Variants in PPP6R1 observed in about 807,000 individuals in gnomAD.
PPP6R1 encodes protein phosphatase 6 regulatory subunit 1.
Under a neutral mutation model 104.6 loss-of-function variants are expected in PPP6R1, and 39 were observed. That is an observed-to-expected ratio of 0.37 (90% confidence interval 0.29 to 0.49). The LOEUF is 0.49. PPP6R1 is among the 20% of genes least tolerant of loss of function. The pLI is 0.98. For synonymous variants in PPP6R1, 549 were observed against 479.0 expected (o/e 1.15, Z -1.91); for missense variants, 1,181 against 1,155.8 (o/e 1.02, Z -0.32).
At chr19:55,231,744 G>A (rs2087349616) in intron 19 of PPP6R1, 58 bp downstream of exon 19, 1 of 1,498,878 alleles carries the variant, frequency 6.7e-7, no homozygotes, top group Non-Finnish European at 8.9e-7. Flanking sequence ...GGGACCCCAT[G>A]GCCACCTCCT....
rs1465856702 is a variant in PPP6R1 at position 55,238,222 on chromosome 19, T to C, written c.1751+1183A>G. 2.6e-5 allele frequency among the ~76,000 whole-genome samples: 4 copies of C among 151,992 alleles called. No individual in the cohort carries two copies. The East Asian group carries it at 7.8e-4, about 30-fold the overall frequency. ...GCCCAGTTTTCACTTGAGCATCTTC[T>C]CCAGGGGTCTCGGCACAGGCCACTG... is the stretch of plus-strand genomic sequence containing the variant. On this transcript the variant is annotated intron_variant, in intron 15 of 23. Coordinates refer to ENST00000412770, the MANE Select transcript of PPP6R1 (RefSeq NM_014931.4).
rs2087450828 is a variant in PPP6R1 at position 55,241,006 on chromosome 19, C to T, written c.1235G>A (p.Ser412Asn). Residue 412 changes from serine to asparagine, a missense_variant, in exon 10 of 24, where the codon AGC (serine) becomes AAC (asparagine). By Grantham distance (46) the Ser-to-Asn change is conservative. Coordinates refer to ENST00000412770, the MANE Select transcript of PPP6R1 (RefSeq NM_014931.4). This position sits in a 1 kb window ranked among gnomAD's most constrained non-coding sequence, Gnocchi z 5.4. ...GCTGCTGTCAGGAGGTGGCCCCAAG[C>T]TCAGCATGGTGCTCACGCATCCCTC... ...QVEGCVSTML[S>N]LGPPPDSSPE... 6.9e-6 allele frequency: 11 copies of T among 1,592,306 alleles called. No homozygotes were observed. The highest frequency in any genetic ancestry group is 9.4e-6 in the Non-Finnish European group (11 of 1,169,864).
At chr19:55,243,945 T>A (rs1438553064) in intron 5 of PPP6R1, among the ~76,000 whole-genome samples, 1 of 152,178 alleles carries the variant, frequency 6.6e-6, no homozygotes, top group Non-Finnish European at 1.5e-5. Context: ...ACTTGTTTTT[T>A]GGAGTGATAA....
chr19:55,241,424 C>T lies in PPP6R1; in HGVS notation c.1009-33G>A, dbSNP rs1333767471. ...CACAGGGAGGCCTGATTCCCAAGGGCTGCCCTTCCTGCTTCCCCCGCCTCC... is the reference window on the plus strand; with the variant it reads ...CACAGGGAGGCCTGATTCCCAAGGGTTGCCCTTCCTGCTTCCCCCGCCTCC... On this transcript the variant is annotated intron_variant, in intron 8 of 23. Coordinates refer to ENST00000412770, the MANE Select transcript of PPP6R1 (RefSeq NM_014931.4). This position sits in a 1 kb window ranked among gnomAD's most constrained non-coding sequence, Gnocchi z 5.4. The T allele has an allele frequency of 1.3e-6, 2 of 1,596,310 alleles. No individual in the cohort carries two copies. Among genetic ancestry groups the T allele is most frequent in the South Asian group, 2.2e-5 (2 of 89,786 alleles).
intron 5 of PPP6R1, among the ~76,000 whole-genome samples, chr19:55,242,964 C>A (rs1033066543): frequency 7.9e-5 from 12 of 152,146 alleles, no homozygotes; most frequent in Non-Finnish European, 1.8e-4. Context: ...GACAAATCCA[C>A]AGAGACAGAA....
chr19:55,254,027 C>T (rs1399363166), intron 1 of PPP6R1, among the ~76,000 whole-genome samples: 1 of 152,242 alleles, frequency 6.6e-6, no homozygotes, highest in Non-Finnish European at 1.5e-5. Flanking sequence ...GAGGCCACGT[C>T]CAGATGCTTT....
intron 17 of PPP6R1, among the ~76,000 whole-genome samples, chr19:55,234,968 GTCCTGC>G (rs2087383311): frequency 6.6e-6 from 1 of 152,174 alleles, no homozygotes; most frequent in African/African-American, 2.4e-5. Flanking sequence ...TACTGGGAAG[GTCCTGC>G]TCCTGGGTCT....
At chr19:55,251,972 C>G (rs1331781609) in intron 1 of PPP6R1, among the ~76,000 whole-genome samples, 1 of 151,968 alleles carries the variant, frequency 6.6e-6, no homozygotes, top group Non-Finnish European at 1.5e-5. Context: ...GGAGACCAAG[C>G]AGGCTGATAG....
chr19:55,234,940 T>C (rs1460299746), intron 17 of PPP6R1, among the ~76,000 whole-genome samples: 1 of 152,148 alleles, frequency 6.6e-6, no homozygotes, highest in Admixed American at 6.6e-5. Context: ...GGATACTGGC[T>C]AACAGAGGGG....
At chr19:55,250,339 G>T (rs2087543661) in intron 1 of PPP6R1, among the ~76,000 whole-genome samples, 1 of 152,226 alleles carries the variant, frequency 6.6e-6, no homozygotes, top group Admixed American at 6.5e-5. Flanking sequence ...AGTGAAGCTG[G>T]CACTCTCAGC....
At chr19:55,254,145 TC>T (rs750089518) in intron 1 of PPP6R1, among the ~76,000 whole-genome samples, 100 of 152,338 alleles carry the variant, frequency 6.6e-4, no homozygotes, top group Non-Finnish European at 1.1e-3. Flanking sequence ...CAAGTACTTT[TC>T]CTCAGACCAT....
At chr19:55,233,927 T>C (rs1391411997) in intron 17 of PPP6R1, among the ~76,000 whole-genome samples, 2 of 152,150 alleles carry the variant, frequency 1.3e-5, no homozygotes, top group Non-Finnish European at 2.9e-5. Flanking sequence ...AAGAACAAGG[T>C]TGGAAAACTA....
At chr19:55,247,570 C>T (rs1419330368) in intron 1 of PPP6R1, among the ~76,000 whole-genome samples, 1 of 152,222 alleles carries the variant, frequency 6.6e-6, no homozygotes, top group Non-Finnish European at 1.5e-5. Context: ...AGAGGCAGGG[C>T]CTTAACCTCT....
chr19:55,234,565 G>A (rs536611792), intron 17 of PPP6R1, among the ~76,000 whole-genome samples: 1 of 151,276 alleles, frequency 6.6e-6, no homozygotes, highest in Admixed American at 6.6e-5. Flanking sequence ...TAGAAGAAAA[G>A]AGAGGGCTAA....
At position 55,250,822 on chromosome 19, in the gene PPP6R1, C is replaced by T. The variant is rs57612414; in HGVS notation, c.-6-3713G>A. On this transcript the variant is annotated intron_variant, in intron 1 of 23. Transcript: ENST00000412770. ...TTCTGCCTGCATGACCACCACTTGA[C>T]GGCAGGCCCCCCACACTCGACCGCA... is the stretch of plus-strand genomic sequence containing the variant. Among the ~76,000 whole-genome samples, 599 of 152,236 alleles carry T rather than the reference C, an allele frequency of 3.9e-3. 2 individuals carry two copies. The highest frequency in any genetic ancestry group is 0.012 in the African/African-American group (517 of 41,528).
chr19:55,233,430 A>G (rs1195211492), intron 17 of PPP6R1, among the ~76,000 whole-genome samples: 1 of 152,152 alleles, frequency 6.6e-6, no homozygotes, highest in Non-Finnish European at 1.5e-5. Flanking sequence ...TCTGTTCAAC[A>G]TTGTCCCGGA....
intron 1 of PPP6R1, among the ~76,000 whole-genome samples, chr19:55,252,726 C>T (rs1351792036): frequency 6.6e-6 from 1 of 152,006 alleles, no homozygotes; most frequent in Non-Finnish European, 1.5e-5. Flanking sequence ...TTAGTACAGA[C>T]GGGGTTTCAC....
At position 55,251,620 on chromosome 19, in the gene PPP6R1, GCA is replaced by G. The variant is rs149423981; in HGVS notation, c.-6-4513_-6-4512del. 1.0e-3 allele frequency among the ~76,000 whole-genome samples: 157 copies of G among 152,264 alleles called. No homozygotes were observed. The East Asian group carries it at 0.024, about 23-fold the overall frequency. On this transcript the variant is annotated intron_variant, in intron 1 of 23. Transcript: ENST00000412770. ...TTCCTTGCTCCGGGAACCTCTGTGTGCACAGTGGTAACTCCCCACCTCCCCAC... is the reference window on the plus strand; with the variant it reads ...TTCCTTGCTCCGGGAACCTCTGTGTGCAGTGGTAACTCCCCACCTCCCCAC...
At chr19:55,247,397 G>T (rs2087519177) in intron 1 of PPP6R1, 2 of 453,996 alleles carry the variant, frequency 4.4e-6, no homozygotes, top group Non-Finnish European at 8.1e-6. Flanking sequence ...GAGGTCCAGG[G>T]GGTCATTTCA....
Sources: allele counts gnomAD v4.1 joint callset (sites outside exome capture counted in the v4.1 genomes callset), GRCh38; gene constraint gnomAD v4.1.1; non-coding constraint Gnocchi (gnomAD v3.1); transcripts MANE v1.5; gene names NCBI Gene and HGNC (gene_info 2026-07-23, HGNC 2026-07-21).